Variants in MCM3AP observed in about 807,000 individuals in gnomAD.
MCM3AP encodes germinal-center associated nuclear protein.
MCM3AP carries 126 observed loss-of-function variants against 184.1 expected under a neutral mutation model. That is an observed-to-expected ratio of 0.68 (90% CI 0.59 to 0.79). MCM3AP has a LOEUF of 0.79. MCM3AP is among the 30% of genes least tolerant of loss of function. The pLI is 0.00. For synonymous variants in MCM3AP, 1,002 were observed against 979.3 expected (o/e 1.02, Z -0.43); for missense variants, 2,496 against 2,479.2 (o/e 1.01, Z -0.14).
intron 23 of MCM3AP, 118 bp from the exon 24 acceptor site, chr21:46,243,840 C>T: frequency 2.0e-6 from 2 of 998,192 alleles, no homozygotes; most frequent in Non-Finnish European, 2.9e-6. Context: ...TTTCTAAACA[C>T]AGCAGAACCA....
Position 46,236,773 on chromosome 21 carries a change from C to T in MCM3AP, c.5784+56G>A, listed in dbSNP as rs1015046739. ...ATCGTGATATTACTTTTTTCCCCAG[C>T]CATTCTCTCAATCTTTAATTCTTAT... On this transcript the variant is annotated intron_variant, in intron 27 of 27. Transcript: ENST00000291688. The T allele has an allele frequency of 4.1e-6, 5 of 1,214,218 alleles. No homozygotes were observed. In the Admixed American group the frequency reaches 1.4e-4, roughly 34 times the overall value. 75.2% of individuals were successfully genotyped at this position (1,214,218 alleles called of 1,614,324 possible).
Position 46,235,192 on chromosome 21 carries a change from G to T in MCM3AP, c.*76C>A. On this transcript the variant is annotated 3_prime_UTR_variant, in exon 28 of 28. Coordinates refer to ENST00000291688, the MANE Select transcript of MCM3AP (RefSeq NM_003906.5). ...AATCACATTTCCAACAGTGCATCAA[G>T]CATCTGAGAATAACATTATTTTGAG... is the stretch of plus-strand genomic sequence containing the variant. 7.0e-7 allele frequency: 1 copy of T among 1,424,962 alleles called. No individual in the cohort carries two copies. Among genetic ancestry groups the T allele is most frequent in the Non-Finnish European group, 9.8e-7 (1 of 1,021,386 alleles). The allele number at this position is 1,424,962 out of a possible 1,614,324, so 88.3% of individuals were successfully genotyped here. A position where few individuals can be genotyped will look rare whatever the true frequency, so the allele number is the denominator to read the frequency against.
chr21:46,266,401 T>C (rs1007783069), intron 10 of MCM3AP: 1 of 406,162 alleles, frequency 2.5e-6, no homozygotes, highest in Non-Finnish European at 4.4e-6. Context: ...GCCTCCTTGC[T>C]GGCTCACCCA....
intron 8 of MCM3AP, among the ~76,000 whole-genome samples, chr21:46,271,690 C>T (rs2081182425): frequency 1.3e-5 from 2 of 151,702 alleles, no homozygotes; most frequent in Non-Finnish European, 2.9e-5. Context: ...GAAACCCTGT[C>T]TCTACTAAAA....
In MCM3AP at chr21:46,277,692, G is replaced by C; in HGVS notation, c.1693C>G (p.Leu565Val). The C allele has an allele frequency of 6.3e-7, 1 of 1,596,624 alleles. No individual in the cohort carries two copies. The highest frequency in any genetic ancestry group is 8.5e-7 in the Non-Finnish European group (1 of 1,171,762). ...KSSPVKKPSL[L>V]KAHQFEGDSF... The stretch of plus-strand genomic sequence containing the variant: ...TCTCCCTCGAATTGGTGGGCCTTTA[G>C]AAGACTTGGCTTCTTCACTGGAGAG... The change falls in exon 5 of 28, where the codon CTA becomes GTA. Residue 565 changes from leucine to valine, a missense_variant. By Grantham distance (32) the Leu-to-Val change is conservative. Transcript: ENST00000291688.
At chr21:46,270,637 G>T in intron 8 of MCM3AP, 74 bp from the exon 9 acceptor site, 2 of 1,286,492 alleles carry the variant, frequency 1.6e-6, no homozygotes, top group Non-Finnish European at 1.1e-6. Flanking sequence ...AGATAGATCT[G>T]ATAAATAATA....
chr21:46,273,501 G>GC lies in MCM3AP; in HGVS notation c.2082dup (p.Pro695AlafsTer27). The GC allele has an allele frequency of 1.9e-6, 3 of 1,613,916 alleles. No homozygotes were observed. The highest frequency in any genetic ancestry group is 8.5e-7 in the Non-Finnish European group (1 of 1,179,866). Reference sequence around the variant, plus strand: ...TAGTCCATGGTCCTGCTGAGCACTGGCAAGGGCCGCAGCTCGTGGGGCAGG... The same window carrying GC: ...TAGTCCATGGTCCTGCTGAGCACTGGCCAAGGGCCGCAGCTCGTGGGGCAGG... On this transcript the variant is annotated frameshift_variant, in exon 7 of 28. Coordinates refer to ENST00000291688, the MANE Select transcript of MCM3AP (RefSeq NM_003906.5). LOFTEE classifies it high-confidence loss of function.
At chr21:46,268,256 G>C (rs530637865) in intron 9 of MCM3AP, among the ~76,000 whole-genome samples, 6 of 152,020 alleles carry the variant, frequency 3.9e-5, no homozygotes, top group African/African-American at 1.4e-4. Flanking sequence ...ATGAAAATCC[G>C]AACAAAAATT....
rs1221098303 is a variant in MCM3AP, at chr21:46,236,916, G to A, written c.5697C>T (p.Ser1899=). Residue 1899 remains serine, a synonymous_variant, in exon 27 of 28, where the codon TCC becomes TCT. Coordinates refer to ENST00000291688, the MANE Select transcript of MCM3AP (RefSeq NM_003906.5). ...EDSGAFTDLT[S]LPLYLPQTLV... ...GAGTCTGAGGAAGATAGAGGGGAAG[G>A]GAAGTTAAATCCGTAAATGCTCCTG... The A allele has an allele frequency of 6.3e-6, 10 of 1,576,318 alleles. No individual in the cohort carries two copies. The East Asian group carries it at 2.4e-4, about 37-fold the overall frequency.
intron 9 of MCM3AP, 22 bp downstream of exon 9, chr21:46,270,379 C>T: frequency 1.3e-6 from 2 of 1,596,164 alleles, no homozygotes; most frequent in Non-Finnish European, 1.7e-6. Context: ...TCCAACTCTG[C>T]AAGCACAGCT....
chr21:46,275,055 G>A (rs987087870), intron 6 of MCM3AP, 131 bp downstream of exon 6: 5 of 1,008,946 alleles, frequency 5.0e-6, no homozygotes, highest in Non-Finnish European at 6.8e-6. Context: ...ATGCAAAACA[G>A]CTTAATATGA....
At chr21:46,282,835 T>C (rs1398751062) in intron 2 of MCM3AP, among the ~76,000 whole-genome samples, 1 of 151,924 alleles carries the variant, frequency 6.6e-6, no homozygotes, top group Non-Finnish European at 1.5e-5. Flanking sequence ...AAAAAGAAAG[T>C]ATTATGCATA....
chr21:46,257,115 G>A (rs772895631), intron 16 of MCM3AP, 129 bp from the exon 17 acceptor site: 513 of 1,294,236 alleles, frequency 4.0e-4, no homozygotes, highest in Non-Finnish European at 4.9e-4. Context: ...TGAAACTACC[G>A]AACGTTAACA....
chr21:46,264,320 A>T (rs558344869), intron 12 of MCM3AP, 103 bp from the exon 13 acceptor site: 1 of 691,562 alleles, frequency 1.4e-6, no homozygotes, highest in Non-Finnish European at 2.5e-6. Flanking sequence ...TCGTGACAGA[A>T]GCACAACCCC....
At chr21:46,235,566 C>T in intron 27 of MCM3AP, 140 bp from the exon 28 acceptor site, 1 of 665,992 alleles carries the variant, frequency 1.5e-6, no homozygotes, top group East Asian at 2.7e-5. Flanking sequence ...AAAAATTATC[C>T]TTTGTATATC....
chr21:46,277,873 T>A (rs971900384), intron 4 of MCM3AP, among the ~76,000 whole-genome samples, 156 bp from the exon 5 acceptor site: 16 of 152,172 alleles, frequency 1.1e-4, no homozygotes, highest in Admixed American at 7.9e-4. Context: ...ATAAGGATGG[T>A]AATGAGCACA....
intron 27 of MCM3AP, among the ~76,000 whole-genome samples, chr21:46,236,040 G>A (rs1341205855): frequency 6.6e-6 from 1 of 152,084 alleles, no homozygotes; most frequent in African/African-American, 2.4e-5. Flanking sequence ...ATTCTGTTTC[G>A]ACTTTCATAC....
At chr21:46,271,940 GA>G (rs924798297) in intron 8 of MCM3AP, among the ~76,000 whole-genome samples, 90 of 145,938 alleles carry the variant, frequency 6.2e-4, no homozygotes, top group African/African-American at 1.7e-3. Context: ...AAAATACAAA[GA>G]AAAAAAAAAG....
chr21:46,241,239 G>C (rs903150424), intron 25 of MCM3AP: 6 of 556,988 alleles, frequency 1.1e-5, no homozygotes, highest in Non-Finnish European at 1.9e-5. Context: ...CTGCACTGTA[G>C]GGACCCTTAT....
Sources: gnomAD v4.1 joint callset for allele counts (sites outside exome capture counted in the v4.1 genomes callset) on GRCh38, gnomAD v4.1.1 for gene constraint, MANE v1.5 for transcripts, NCBI Gene and HGNC (gene_info 2026-07-23, HGNC 2026-07-21) for gene names.